Variants in SP3 observed in about 807,000 individuals in gnomAD.
SP3 encodes the protein Sp3 transcription factor.
SP3 carries 10 observed loss-of-function variants against 70.3 expected under a neutral mutation model. The observed-to-expected ratio is 0.14, with a 90% confidence interval of 0.09 to 0.24. The LOEUF (loss-of-function observed/expected upper bound fraction) is 0.24, where lower values mean the gene tolerates loss of function less well. Ranked by LOEUF, SP3 falls within the 10% of genes least tolerant of loss-of-function variation. SP3 has a pLI of 1.00. For missense variants in SP3, 825 were observed against 914.6 expected, an observed-to-expected ratio of 0.90 and a Z score of 1.26; for synonymous variants, 402 against 333.5, an observed-to-expected ratio of 1.21 and a Z score of -2.24.
chr2:173,911,597 T>C (rs920558234), intron 6 of SP3, among the ~76,000 whole-genome samples: 6 of 152,174 alleles, frequency 3.9e-5, no homozygotes, highest in African/African-American at 1.4e-4. Flanking sequence ...ATACCCTCTT[T>C]GGCCCACTAT....
At chr2:173,948,573 C>T (rs572387067) in intron 4 of SP3, among the ~76,000 whole-genome samples, 2 of 152,088 alleles carry the variant, frequency 1.3e-5, no homozygotes, top group South Asian at 4.1e-4. Flanking sequence ...AAAAATTAAG[C>T]AATATTGTAA....
chr2:173,950,510 C>T (rs954103509), intron 4 of SP3, among the ~76,000 whole-genome samples: 5 of 152,126 alleles, frequency 3.3e-5, no homozygotes, highest in Admixed American at 3.3e-4. Flanking sequence ...AAGATGCCAT[C>T]TCTACAAAAA....
chr2:173,958,395 T>C (rs1039460662), intron 3 of SP3, among the ~76,000 whole-genome samples: 5 of 151,822 alleles, frequency 3.3e-5, no homozygotes, highest in Admixed American at 2.0e-4. Flanking sequence ...TGAGTAAATA[T>C]TGCCCAAGTC....
intron 4 of SP3, among the ~76,000 whole-genome samples, chr2:173,931,552 C>G (rs1344829350): frequency 2.5e-5 from 3 of 121,832 alleles, no homozygotes; most frequent in African/African-American, 8.3e-5. Flanking sequence ...CCATATTGGC[C>G]AGGCTGGTCT....
chr2:173,963,561 G>GT (rs1298260569), intron 3 of SP3, among the ~76,000 whole-genome samples, 200 bp downstream of exon 3: 2 of 152,146 alleles, frequency 1.3e-5, no homozygotes, highest in Non-Finnish European at 2.9e-5. Flanking sequence ...AGGTGCTGCA[G>GT]TGACAATTTC....
intron 4 of SP3, among the ~76,000 whole-genome samples, chr2:173,934,015 T>C (rs1690147514): frequency 1.3e-5 from 2 of 152,072 alleles, no homozygotes; most frequent in Non-Finnish European, 2.9e-5. Flanking sequence ...GAGGATAGCT[T>C]GAGCCCAGGT....
chr2:173,946,918 T>A (rs1228840805), intron 4 of SP3, among the ~76,000 whole-genome samples: 1 of 151,614 alleles, frequency 6.6e-6, no homozygotes, highest in Non-Finnish European at 1.5e-5. Context: ...AGGGTCTTAC[T>A]ATGTTGCCCT....
At chr2:173,923,949 T>TC (rs1559094295) in intron 4 of SP3, among the ~76,000 whole-genome samples, 1 of 152,086 alleles carries the variant, frequency 6.6e-6, no homozygotes, top group South Asian at 2.1e-4. Flanking sequence ...AAGTTTTTTT[T>TC]CAACTTTTCT....
At chr2:173,945,377 T>C (rs1019884769) in intron 4 of SP3, among the ~76,000 whole-genome samples, 2 of 152,154 alleles carry the variant, frequency 1.3e-5, no homozygotes, top group Admixed American at 1.3e-4. Context: ...TCTAAATTGT[T>C]ATACTAAAAA....
chr2:173,931,290 A>G (rs1488861815), intron 4 of SP3, among the ~76,000 whole-genome samples: 2 of 152,060 alleles, frequency 1.3e-5, no homozygotes, highest in Non-Finnish European at 2.9e-5. Context: ...GCACTTTGGG[A>G]TGCCAAGGCG....
rs1424672307 is a variant in SP3, at chr2:173,901,697, T to C, written c.*8244A>G. Reference sequence around the variant, plus strand: ...GAAACAGTTAGTTGGACTTAAGCCTTTTTTTTTTTTTTTTTTTTTTTTGAG... The same window carrying C: ...GAAACAGTTAGTTGGACTTAAGCCTCTTTTTTTTTTTTTTTTTTTTTTGAG... On this transcript the variant is annotated 3_prime_UTR_variant, in exon 7 of 7. Transcript: ENST00000310015. 2.0e-4 allele frequency among the ~76,000 whole-genome samples: 3 copies of C among 15,280 alleles called. No individual in the cohort carries two copies. Among genetic ancestry groups the C allele is most frequent in the African/African-American group, 6.1e-4 (2 of 3,276 alleles). The allele number at this position is 15,280 out of a possible 152,430, so 10.0% of individuals were successfully genotyped here.
At chr2:173,932,853 T>A (rs6757221) in intron 4 of SP3, among the ~76,000 whole-genome samples, 2 of 151,772 alleles carry the variant, frequency 1.3e-5, no homozygotes, top group African/African-American at 4.8e-5. Context: ...TTAGCCAGGC[T>A]TGGCGGTGGG....
chr2:173,923,757 ATTTGAT>A (rs143943631), intron 4 of SP3, among the ~76,000 whole-genome samples: 10,680 of 151,610 alleles, frequency 0.07, 540 homozygotes, highest in African/African-American at 0.14. Context: ...TCTAAATCAA[ATTTGAT>A]TTAGAATCAA....
rs1272653119 is a variant in SP3 at position 173,901,027 on chromosome 2, A to C, written c.*8914T>G. On this transcript the variant is annotated 3_prime_UTR_variant, in exon 7 of 7. Transcript: ENST00000310015. Reference sequence around the variant, plus strand: ...AAATACAGAGAAGGGTGGGCAGAGGAGACTTCCTTACCGGATGTCAAGAAT... The same window carrying C: ...AAATACAGAGAAGGGTGGGCAGAGGCGACTTCCTTACCGGATGTCAAGAAT... 1.3e-5 allele frequency among the ~76,000 whole-genome samples: 2 copies of C among 152,222 alleles called. No homozygotes were observed. The highest frequency in any genetic ancestry group is 4.8e-5 in the African/African-American group (2 of 41,462).
In SP3 at chr2:173,964,013, TCTC is replaced by T. The variant is rs533817433; in HGVS notation, c.157-133_157-131del. On this transcript the variant is annotated intron_variant, in intron 2 of 6. Coordinates refer to ENST00000310015, the MANE Select transcript of SP3 (RefSeq NM_003111.5). Reference sequence around the variant, plus strand: ...CGCCCGGGCAAGCGCCAGCCCGCGCTCTCCTCCTCCTCCTCCTCCTCCTCCTGG... The same window carrying T: ...CGCCCGGGCAAGCGCCAGCCCGCGCTCTCCTCCTCCTCCTCCTCCTCCTGG... 7.3e-3 allele frequency: 3,348 copies of T among 457,818 alleles called. 2 individuals carry two copies. Among genetic ancestry groups the T allele is most frequent in the East Asian group, 0.011 (240 of 22,230 alleles). The allele number at this position is 457,818 out of a possible 1,614,324, so 28.4% of individuals were successfully genotyped here. A position where few individuals can be genotyped will look rare whatever the true frequency, so the allele number is the denominator to read the frequency against.
At chr2:173,949,366 GAA>G (rs549360499) in intron 4 of SP3, among the ~76,000 whole-genome samples, 6 of 131,398 alleles carry the variant, frequency 4.6e-5, no homozygotes, top group African/African-American at 1.6e-4. Flanking sequence ...CCTCAAAAAG[GAA>G]AAAAAAAAAA....
At chr2:173,935,144 G>C (rs537525405) in intron 4 of SP3, among the ~76,000 whole-genome samples, 2 of 152,278 alleles carry the variant, frequency 1.3e-5, no homozygotes, top group South Asian at 4.1e-4. Flanking sequence ...CGAGGCGGGA[G>C]AACTGACTGA....
Position 173,955,441 on chromosome 2 carries a change from A to G in SP3, c.1071T>C (p.Thr357=), listed in dbSNP as rs566190560. The change falls in exon 4 of 7, where the codon ACT becomes ACC. Residue 357 remains threonine (T), a synonymous_variant. Transcript: ENST00000310015. ...AAGAATGAACCTGCCCACTAGATGTAGTCAAGCTATTTGTGTTTTGTTGTA... is the reference window on the plus strand; with the variant it reads ...AAGAATGAACCTGCCCACTAGATGTGGTCAAGCTATTTGTGTTTTGTTGTA... The part of the protein sequence containing the change: ...GILQQNTNSL[T]TSSGQVHSSD... 6.2e-7 allele frequency: 1 copy of G among 1,614,178 alleles called. No individual in the cohort carries two copies. The highest frequency in any genetic ancestry group is 1.3e-5 in the African/African-American group (1 of 75,048).
At chr2:173,951,865 G>A (rs185891179) in intron 4 of SP3, among the ~76,000 whole-genome samples, 1 of 152,182 alleles carries the variant, frequency 6.6e-6, no homozygotes, top group Admixed American at 6.5e-5. Context: ...AAAACTGCCG[G>A]TTCACTGAAC....
Sources: allele counts gnomAD v4.1 joint callset (sites outside exome capture counted in the v4.1 genomes callset), GRCh38; gene constraint gnomAD v4.1.1; transcripts MANE v1.5; gene names NCBI Gene and HGNC (gene_info 2026-07-23, HGNC 2026-07-21).